IKZF4: variants seen among roughly 807,000 people sequenced by gnomAD.
The protein encoded by IKZF4 is IKAROS family zinc finger 4.
In IKZF4, 11 loss-of-function variants were observed where a neutral mutation model predicts 47.7. The ratio of observed to expected loss-of-function variants is 0.23; its 90% CI spans 0.15 to 0.38. IKZF4 has a LOEUF of 0.38. Ranked by LOEUF, IKZF4 falls within the 10% of genes least tolerant of loss-of-function variation. The pLI, the probability that IKZF4 is intolerant of heterozygous loss-of-function variation, is 1.00. For synonymous variants in IKZF4, 298 were observed against 299.4 expected, an observed-to-expected ratio of 1.00 and a Z score of 0.05; for missense variants, 557 against 784.9, an observed-to-expected ratio of 0.71 and a Z score of 3.47.
chr12:56,025,583 T>C (rs1893825474), intron 3 of IKZF4, among the ~76,000 whole-genome samples: 1 of 152,122 alleles, frequency 6.6e-6, no homozygotes, highest in South Asian at 2.1e-4. Flanking sequence ...ATTCTCTAAA[T>C]GGTTGGAGTA....
In IKZF4 at chr12:56,028,657, C is replaced by T. The variant is rs975485350; in HGVS notation, c.715+710C>T. ...GAGTGTAGTGGTGCAATTTTGGCTC[C>T]CTGCAGTCTTGATCTCCTGAGCTCA... is the stretch of plus-strand genomic sequence containing the variant. On this transcript the variant is annotated intron_variant, in intron 5 of 7. Coordinates refer to ENST00000547167, the MANE Select transcript of IKZF4 (RefSeq NM_022465.4). 5.3e-5 allele frequency among the ~76,000 whole-genome samples: 8 copies of T among 151,920 alleles called. No individual in the cohort carries two copies. In the East Asian group the frequency reaches 1.5e-3, roughly 29 times the overall value.
chr12:56,034,518 G>A, intron 7 of IKZF4, 53 bp from the exon 8 acceptor site: 1 of 1,510,744 alleles, frequency 6.6e-7, no homozygotes, highest in Non-Finnish European at 8.9e-7. Flanking sequence ...TAATCCTGAG[G>A]AGAGTGTAGG....
chr12:56,033,348 C>T (rs751195847), intron 7 of IKZF4, 27 bp downstream of exon 7: 1 of 1,613,316 alleles, frequency 6.2e-7, no homozygotes. Flanking sequence ...AAAGACGTAT[C>T]AGCTTTAAGC....
chr12:56,017,820 G>T (rs900537057), upstream of IKZF4, among the ~76,000 whole-genome samples: 1 of 152,072 alleles, frequency 6.6e-6, no homozygotes, highest in African/African-American at 2.4e-5. Context: ...CTCCTGAATA[G>T]CTGGGACTAC....
chr12:56,031,062 G>T (rs551719094), intron 5 of IKZF4, among the ~76,000 whole-genome samples: 4 of 151,814 alleles, frequency 2.6e-5, no homozygotes, highest in Non-Finnish European at 5.9e-5. Flanking sequence ...GACCATCCTG[G>T]CTAACATGGT....
intron 7 of IKZF4, 34 bp downstream of exon 7, chr12:56,033,355 A>C (rs756841906): frequency 1.9e-6 from 3 of 1,612,516 alleles, no homozygotes; most frequent in Non-Finnish European, 2.5e-6. Context: ...TATCAGCTTT[A>C]AGCCACAGCT....
upstream of IKZF4, chr12:56,020,825 A>G: frequency 1.9e-6 from 1 of 533,492 alleles, no homozygotes; most frequent in Non-Finnish European, 2.4e-6. Context: ...CAGTCCCCAC[A>G]TCTAGAGAGC....
intron 7 of IKZF4, among the ~76,000 whole-genome samples, chr12:56,033,813 CAA>C (rs1565834025): frequency 6.6e-6 from 1 of 152,106 alleles, no homozygotes. Context: ...AGGATGTACT[CAA>C]AGAGAGTGGA....
intron 1 of IKZF4, chr12:56,010,178 C>CT (rs1891175738): frequency 6.6e-6 from 1 of 152,124 alleles, no homozygotes; most frequent in Non-Finnish European, 1.5e-5. Flanking sequence ...AGAGGGACTC[C>CT]CTTTCTTTAT....
At chr12:56,015,645 C>T (rs1290382993) in intron 2 of IKZF4, among the ~76,000 whole-genome samples, 1 of 152,196 alleles carries the variant, frequency 6.6e-6, no homozygotes, top group Non-Finnish European at 1.5e-5. Flanking sequence ...ATCCACCCAC[C>T]TCGCCCTCTC....
chr12:56,016,511 T>C (rs1477307104), upstream of IKZF4, among the ~76,000 whole-genome samples: 4 of 146,174 alleles, frequency 2.7e-5, no homozygotes, highest in Non-Finnish European at 6.0e-5. Flanking sequence ...AACCTCCACC[T>C]CCCAGGCTCA....
chr12:56,007,859 A>G (rs1263568017), intron 1 of IKZF4: 1 of 147,196 alleles, frequency 6.8e-6, no homozygotes, highest in South Asian at 2.2e-4. Context: ...GGCCAGGCTG[A>G]GAGAGGGTCG....
upstream of IKZF4, among the ~76,000 whole-genome samples, chr12:56,019,004 T>A (rs1350564917): frequency 6.6e-6 from 1 of 151,898 alleles, no homozygotes; most frequent in African/African-American, 2.4e-5. Flanking sequence ...GATCACGAAG[T>A]CAAGAGATCA....
At chr12:56,023,969 G>A in intron 2 of IKZF4, 6 of 967,176 alleles carry the variant, frequency 6.2e-6, no homozygotes, top group Non-Finnish European at 7.4e-6. Context: ...CAATAGGTAT[G>A]TTCTCTTTAT....
At chr12:56,014,342 T>C (rs1335134865) in intron 2 of IKZF4, among the ~76,000 whole-genome samples, 4 of 152,174 alleles carry the variant, frequency 2.6e-5, no homozygotes, top group Non-Finnish European at 5.9e-5. Context: ...CCTTCAGACC[T>C]TTCTGGAAAT....
upstream of IKZF4, among the ~76,000 whole-genome samples, chr12:56,016,078 G>C (rs561387636): frequency 6.7e-6 from 1 of 149,812 alleles, no homozygotes; most frequent in East Asian, 2.0e-4. Context: ...AGAGAGAATT[G>C]CTTTGTGAAG....
At chr12:56,028,027 T>G in intron 5 of IKZF4, 80 bp downstream of exon 5, 1 of 1,409,862 alleles carries the variant, frequency 7.1e-7, no homozygotes, top group Non-Finnish European at 9.4e-7. Flanking sequence ...CTCTTGTATT[T>G]GGGGAGTTCC....
At chr12:56,024,795 T>A in intron 2 of IKZF4, 1 of 1,321,800 alleles carries the variant, frequency 7.6e-7, no homozygotes, top group South Asian at 1.5e-5. Flanking sequence ...CCTGTGGACG[T>A]CAGGCAGTGA....
chr12:56,013,257 G>A (rs998474758), intron 2 of IKZF4, among the ~76,000 whole-genome samples: 2 of 151,962 alleles, frequency 1.3e-5, no homozygotes, highest in East Asian at 1.9e-4. Context: ...GTGCAATGGC[G>A]TGATCTCGGC....
Sources: allele counts gnomAD v4.1 joint callset (sites outside exome capture counted in the v4.1 genomes callset), GRCh38; gene constraint gnomAD v4.1.1; transcripts MANE v1.5; gene names NCBI Gene and HGNC (gene_info 2026-07-23, HGNC 2026-07-21).